KCNB2: variants seen among roughly 807,000 people sequenced by gnomAD.
The protein encoded by KCNB2 is potassium voltage-gated channel subfamily B member 2, also known as delayed rectifier potassium channel protein.
KCNB2 carries 15 observed loss-of-function variants against 61.5 expected under a neutral mutation model. That is an observed-to-expected ratio of 0.24 (90% confidence interval 0.16 to 0.38). The LOEUF is 0.38. Among genes scored for constraint, KCNB2 ranks in the 10% least tolerant of loss-of-function variants. The pLI is 1.00. For missense variants in KCNB2, 828 were observed against 1,125.2 expected (o/e 0.74, Z 3.78); for synonymous variants, 457 against 446.0 (o/e 1.02, Z -0.31).
chr8:72,860,280 AT>A (rs34202611), intron 2 of KCNB2, among the ~76,000 whole-genome samples: 28,292 of 152,088 alleles, frequency 0.19, 3,330 homozygotes, highest in Non-Finnish European at 0.26. Context: ...AGGCTCCATC[AT>A]TTTACATTCC....
intron 2 of KCNB2, among the ~76,000 whole-genome samples, chr8:72,852,228 T>C (rs1158324324): frequency 6.6e-6 from 1 of 152,106 alleles, no homozygotes; most frequent in Non-Finnish European, 1.5e-5. Context: ...TTACTGCACT[T>C]TAGCCTGGGT....
At chr8:72,810,890 C>T (rs183931311) in intron 2 of KCNB2, among the ~76,000 whole-genome samples, 2 of 152,274 alleles carry the variant, frequency 1.3e-5, no homozygotes, top group Non-Finnish European at 2.9e-5. Flanking sequence ...TCAAATCAGT[C>T]AGAAGGGCAG....
intron 2 of KCNB2, among the ~76,000 whole-genome samples, chr8:72,851,733 C>A (rs1810112303): frequency 6.8e-6 from 1 of 147,914 alleles, no homozygotes; most frequent in African/African-American, 2.5e-5. Context: ...AGCAAGGATG[C>A]TGCCACTCCT....
chr8:72,631,404 C>T (rs543431964), intron 2 of KCNB2, among the ~76,000 whole-genome samples: 4 of 152,322 alleles, frequency 2.6e-5, no homozygotes, highest in South Asian at 4.1e-4. Context: ...CAATCCTTAA[C>T]ATTCATTGGC....
At chr8:72,772,050 A>G (rs1422175247) in intron 2 of KCNB2, among the ~76,000 whole-genome samples, 1 of 152,164 alleles carries the variant, frequency 6.6e-6, no homozygotes, top group Non-Finnish European at 1.5e-5. Context: ...TGAACCCACC[A>G]AAACACCAGT....
intron 1 of KCNB2, among the ~76,000 whole-genome samples, chr8:72,566,987 C>T (rs1372627782): frequency 6.6e-6 from 1 of 151,978 alleles, no homozygotes; most frequent in East Asian, 1.9e-4. Flanking sequence ...AGACTGGCAC[C>T]TTGGTCAGTT....
chr8:72,936,047 G>T lies in KCNB2; in HGVS notation c.692G>T (p.Arg231Leu), dbSNP rs1400578397. ...GAATTTGGACAACTCAATGACAACCGCCAATTAGCACACGTGGAGGCTGTG... is the reference window on the plus strand; with the variant it reads ...GAATTTGGACAACTCAATGACAACCTCCAATTAGCACACGTGGAGGCTGTG... ...TDEFGQLNDN[R>L]QLAHVEAVCI... Residue 231 changes from arginine (R) to leucine (L), a missense_variant, in exon 3 of 3, where the codon CGC (arginine) becomes CTC (leucine). Physicochemically the swap from Arg to Leu is moderately radical, Grantham distance 102. Coordinates refer to ENST00000523207, the MANE Select transcript of KCNB2 (RefSeq NM_004770.3). This position sits in a 1 kb window ranked among gnomAD's most constrained non-coding sequence, Gnocchi z 5.6. The T allele has an allele frequency of 6.2e-7, 1 of 1,614,106 alleles. No homozygotes were observed. The highest frequency in any genetic ancestry group is 8.5e-7 in the Non-Finnish European group (1 of 1,180,014).
intron 2 of KCNB2, among the ~76,000 whole-genome samples, chr8:72,884,206 G>A (rs1437752764): frequency 6.6e-6 from 1 of 152,012 alleles, no homozygotes; most frequent in African/African-American, 2.4e-5. Flanking sequence ...TGTGGACCAC[G>A]GGCATTTCTC....
chr8:72,581,460 TGA>T (rs986314057), intron 2 of KCNB2, among the ~76,000 whole-genome samples: 1 of 152,214 alleles, frequency 6.6e-6, no homozygotes, highest in African/African-American at 2.4e-5. Flanking sequence ...GCATAGCTCC[TGA>T]CACATAAAGA....
At chr8:72,854,094 C>T (rs1810165409) in intron 2 of KCNB2, among the ~76,000 whole-genome samples, 1 of 152,120 alleles carries the variant, frequency 6.6e-6, no homozygotes, top group East Asian at 1.9e-4. Context: ...TATTTATTTA[C>T]TTATTTATGG....
chr8:72,800,576 A>G (rs914484743), intron 2 of KCNB2, among the ~76,000 whole-genome samples: 18 of 152,118 alleles, frequency 1.2e-4, no homozygotes, highest in Admixed American at 3.3e-4. Flanking sequence ...CTTAGGCTCC[A>G]TATTTGAAAA....
intron 2 of KCNB2, among the ~76,000 whole-genome samples, chr8:72,637,534 G>A (rs1469080810): frequency 2.6e-5 from 4 of 152,070 alleles, no homozygotes; most frequent in African/African-American, 9.7e-5. Context: ...GGAGCAGAGA[G>A]GATATAGAAT....
At chr8:72,600,842 G>A (rs1805337271) in intron 2 of KCNB2, among the ~76,000 whole-genome samples, 2 of 152,062 alleles carry the variant, frequency 1.3e-5, no homozygotes, top group African/African-American at 4.8e-5. Context: ...TACCAGTAGG[G>A]TGGAGGGTGG....
intron 2 of KCNB2, among the ~76,000 whole-genome samples, chr8:72,590,144 C>A (rs1398437561): frequency 2.0e-5 from 3 of 152,160 alleles, no homozygotes; most frequent in Admixed American, 2.0e-4. Flanking sequence ...CACCCAGAGT[C>A]ATTTTACTCT....
intron 2 of KCNB2, among the ~76,000 whole-genome samples, chr8:72,843,854 G>T (rs567964334): frequency 2.4e-4 from 36 of 152,218 alleles, no homozygotes; most frequent in Admixed American, 2.2e-3. Flanking sequence ...TGGGTCTCCT[G>T]AATACAGCAC....
intron 2 of KCNB2, among the ~76,000 whole-genome samples, chr8:72,794,097 T>A (rs1808987041): frequency 6.6e-6 from 1 of 152,086 alleles, no homozygotes; most frequent in Non-Finnish European, 1.5e-5. Flanking sequence ...AGATCAGAAA[T>A]GAGGAAAGCG....
intron 2 of KCNB2, among the ~76,000 whole-genome samples, chr8:72,596,378 C>T (rs1300388810): frequency 6.6e-6 from 1 of 152,186 alleles, no homozygotes; most frequent in Non-Finnish European, 1.5e-5. Flanking sequence ...TTGAATTGCT[C>T]TGTGCCTAAT....
intron 2 of KCNB2, among the ~76,000 whole-genome samples, chr8:72,827,369 A>G (rs771431916): frequency 2.6e-5 from 4 of 152,152 alleles, no homozygotes; most frequent in Non-Finnish European, 4.4e-5. Context: ...TATATCAGAG[A>G]TATTTTTTAA....
chr8:72,913,502 T>C (rs1429952912), intron 2 of KCNB2, among the ~76,000 whole-genome samples: 1 of 152,208 alleles, frequency 6.6e-6, no homozygotes, highest in East Asian at 1.9e-4. Flanking sequence ...CTGCAATAAG[T>C]AGCTGTACTT....
Sources: allele counts gnomAD v4.1 joint callset (sites outside exome capture counted in the v4.1 genomes callset), GRCh38; gene constraint gnomAD v4.1.1; non-coding constraint Gnocchi (gnomAD v3.1); transcripts MANE v1.5; gene names NCBI Gene and HGNC (gene_info 2026-07-23, HGNC 2026-07-21).